The following ADCY5 variants were observed in gnomAD, a reference collection of about 807,000 sequenced individuals.
The protein encoded by ADCY5 is adenylate cyclase type 5.
In ADCY5, 30 loss-of-function variants were observed where a neutral mutation model predicts 119.7. The observed-to-expected ratio is 0.25, with a 90% CI of 0.19 to 0.34. The LOEUF is 0.34. Among genes scored for constraint, ADCY5 ranks in the 10% least tolerant of loss-of-function variants. ADCY5 has a pLI of 1.00. For synonymous variants in ADCY5, 753 were observed against 762.2 expected (o/e 0.99, Z 0.20); for missense variants, 1,324 against 1,775.2 (o/e 0.75, Z 4.57).
intron 1 of ADCY5, among the ~76,000 whole-genome samples, chr3:123,446,338 T>C (rs2107657210): frequency 6.6e-6 from 1 of 152,244 alleles, no homozygotes; most frequent in South Asian, 2.1e-4. Flanking sequence ...CTTAAGAGGT[T>C]CTATTCGAGA....
At chr3:123,422,305 A>G (rs1327327817) in intron 1 of ADCY5, among the ~76,000 whole-genome samples, 3 of 152,238 alleles carry the variant, frequency 2.0e-5, no homozygotes, top group Admixed American at 2.0e-4. Flanking sequence ...CAGTGGCCAG[A>G]GGAGCTAGTC....
intron 1 of ADCY5, among the ~76,000 whole-genome samples, chr3:123,393,968 T>C (rs892815072): frequency 5.9e-5 from 9 of 152,228 alleles, no homozygotes; most frequent in Admixed American, 2.6e-4. Flanking sequence ...ACCCTGTCTC[T>C]ACTAAAAATA....
At chr3:123,384,798 G>A (rs1944163137) in intron 1 of ADCY5, among the ~76,000 whole-genome samples, 1 of 152,258 alleles carries the variant, frequency 6.6e-6, no homozygotes, top group East Asian at 1.9e-4. Context: ...GCATGAAGAG[G>A]CCACTAGTAC....
chr3:123,362,749 A>T (rs1943295260), intron 1 of ADCY5, among the ~76,000 whole-genome samples: 1 of 152,206 alleles, frequency 6.6e-6, no homozygotes, highest in Non-Finnish European at 1.5e-5. Flanking sequence ...CTCTATCCTC[A>T]AGTTAATTTC....
intron 3 of ADCY5, among the ~76,000 whole-genome samples, chr3:123,341,954 C>T (rs1490239070): frequency 6.6e-6 from 1 of 152,112 alleles, no homozygotes; most frequent in Non-Finnish European, 1.5e-5. Context: ...GACAGGGTCT[C>T]GCTCTGTTGC....
chr3:123,409,052 T>C (rs145934610), intron 1 of ADCY5, among the ~76,000 whole-genome samples: 2 of 152,346 alleles, frequency 1.3e-5, no homozygotes, highest in East Asian at 1.9e-4. Flanking sequence ...AGATAAAGTA[T>C]AGAAAAGATT....
rs1941428359 is a variant in ADCY5 at position 123,325,356 on chromosome 3, C to A, written c.2054G>T (p.Gly685Val). The A allele has an allele frequency of 1.9e-6, 3 of 1,613,982 alleles. No homozygotes were observed. The highest frequency in any genetic ancestry group is 1.3e-5 in the African/African-American group (1 of 74,914). ...GAERPFYNHL[G>V]GNQVSKEMKR... ...CATCTCCTTGGACACCTGGTTGCCACCCAGGTGGTTGTAGAAGGGGCGCTC... is the reference window on the plus strand; with the variant it reads ...CATCTCCTTGGACACCTGGTTGCCAACCAGGTGGTTGTAGAAGGGGCGCTC... Residue 685 changes from glycine (G) to valine (V), a missense_variant, in exon 8 of 21, where the codon GGT becomes GTT. Gly to Val is a moderately radical substitution (Grantham distance 109). Transcript: ENST00000462833.
chr3:123,374,882 C>T (rs1010047745), intron 1 of ADCY5, among the ~76,000 whole-genome samples: 5 of 152,194 alleles, frequency 3.3e-5, no homozygotes, highest in East Asian at 3.8e-4. Flanking sequence ...TTGACAGAGA[C>T]GGAAAGTTGA....
At chr3:123,357,528 G>A (rs993725309) in intron 1 of ADCY5, among the ~76,000 whole-genome samples, 1 of 152,132 alleles carries the variant, frequency 6.6e-6, no homozygotes, top group Non-Finnish European at 1.5e-5. Flanking sequence ...CCCAATAGCC[G>A]TCCAAATGGC....
intron 1 of ADCY5, among the ~76,000 whole-genome samples, chr3:123,382,270 T>G (rs960676487): frequency 1.3e-5 from 2 of 152,214 alleles, no homozygotes; most frequent in Admixed American, 6.5e-5. Flanking sequence ...TAAAAAAGTA[T>G]GAAGTGTTGG....
At chr3:123,447,241 C>T (rs1203372298) in intron 1 of ADCY5, among the ~76,000 whole-genome samples, 171 bp downstream of exon 1, 1 of 152,196 alleles carries the variant, frequency 6.6e-6, no homozygotes, top group Non-Finnish European at 1.5e-5. Context: ...TAAATGAAGC[C>T]GCTGGGGCTC....
At chr3:123,446,173 A>G (rs760832048) in intron 1 of ADCY5, among the ~76,000 whole-genome samples, 49 of 152,218 alleles carry the variant, frequency 3.2e-4, no homozygotes, top group Non-Finnish European at 3.5e-4. Context: ...CCTGAAACCC[A>G]TAACAGTGCT....
intron 1 of ADCY5, among the ~76,000 whole-genome samples, chr3:123,374,483 T>A (rs539072683): frequency 6.6e-6 from 1 of 152,160 alleles, no homozygotes; most frequent in Admixed American, 6.5e-5. Flanking sequence ...GACAACACTA[T>A]GGGCTGGGTG....
intron 1 of ADCY5, among the ~76,000 whole-genome samples, chr3:123,414,313 G>A (rs1205613942): frequency 6.6e-6 from 1 of 152,182 alleles, no homozygotes; most frequent in Non-Finnish European, 1.5e-5. Context: ...GCAGCTCTGT[G>A]GGACCCTTTA....
At chr3:123,358,265 C>G (rs1402087878) in intron 1 of ADCY5, among the ~76,000 whole-genome samples, 1 of 150,308 alleles carries the variant, frequency 6.7e-6, no homozygotes, top group African/African-American at 2.5e-5. Context: ...AAAAGGAGAC[C>G]CAACAATACA....
intron 4 of ADCY5, among the ~76,000 whole-genome samples, chr3:123,331,634 G>T (rs1159248008): frequency 2.6e-5 from 4 of 152,186 alleles, no homozygotes; most frequent in Non-Finnish European, 5.9e-5. Context: ...CCACCTGCAG[G>T]CCACCACCAA....
At chr3:123,408,213 G>T (rs111447498) in intron 1 of ADCY5, among the ~76,000 whole-genome samples, 2,095 of 152,200 alleles carry the variant, frequency 0.014, 33 homozygotes, top group African/African-American at 0.048. Context: ...ATGCTCTACC[G>T]CATGAACATG....
intron 16 of ADCY5, chr3:123,297,063 G>A (rs770764068): frequency 7.0e-5 from 107 of 1,535,542 alleles, no homozygotes; most frequent in Non-Finnish European, 8.7e-5. Context: ...TCCTGGGGAA[G>A]AGCTTGAGGT....
chr3:123,329,906 C>T (rs960089336), intron 5 of ADCY5, among the ~76,000 whole-genome samples: 10 of 152,216 alleles, frequency 6.6e-5, no homozygotes, highest in African/African-American at 2.4e-4. Context: ...TTGACAATGG[C>T]TCATTCTGTC....
Sources: allele counts gnomAD v4.1 joint callset (sites outside exome capture counted in the v4.1 genomes callset), GRCh38; gene constraint gnomAD v4.1.1; transcripts MANE v1.5; gene names NCBI Gene and HGNC (gene_info 2026-07-23, HGNC 2026-07-21).